Variants in CHL1 observed in about 807,000 individuals in gnomAD.
The protein encoded by CHL1 is neural cell adhesion molecule L1-like protein.
CHL1 carries 96 observed loss-of-function variants against 141.9 expected under a neutral mutation model. The ratio of observed to expected loss-of-function variants is 0.68; its 90% CI spans 0.57 to 0.80. CHL1 has a LOEUF of 0.80. Ranked by LOEUF, CHL1 falls within the 30% of genes least tolerant of loss-of-function variation. CHL1 has a pLI of 0.00. For missense variants in CHL1, 1,820 were observed against 1,457.2 expected (o/e 1.25, Z -4.05); for synonymous variants, 613 against 502.2 (o/e 1.22, Z -2.95).
At chr3:265,940 C>T (rs903467711) in intron 2 of CHL1, among the ~76,000 whole-genome samples, 11 of 152,146 alleles carry the variant, frequency 7.2e-5, no homozygotes, top group African/African-American at 2.4e-4. Flanking sequence ...CCATCCCATG[C>T]ACAGAGAAAG....
Position 382,283 on chromosome 3 carries a change from A to G in CHL1, c.1978+3A>G, listed in dbSNP as rs761723687. ...TGACCACAACAGCAATATTAGCGGT[A>G]GGAAGACTTGGGATAACTGTTTTCA... On this transcript the variant is annotated splice_donor_region_variant and intron_variant, in intron 17 of 27. Transcript: ENST00000256509. The G allele has an allele frequency of 6.2e-6, 10 of 1,612,056 alleles. No homozygotes were observed. Among genetic ancestry groups the G allele is most frequent in the Non-Finnish European group, 8.5e-6 (10 of 1,178,302 alleles).
intron 5 of CHL1, among the ~76,000 whole-genome samples, chr3:328,723 G>C (rs1002335290): frequency 6.6e-6 from 1 of 152,136 alleles, no homozygotes; most frequent in Non-Finnish European, 1.5e-5. Flanking sequence ...GCAATTTACT[G>C]TGGGCCTGGC....
intron 2 of CHL1, among the ~76,000 whole-genome samples, chr3:275,739 A>C (rs1418120219): frequency 2.0e-5 from 3 of 152,196 alleles, no homozygotes; most frequent in African/African-American, 7.2e-5. Flanking sequence ...ATAATGAGAA[A>C]TCTTTATTTG....
chr3:300,888 G>A (rs1698664876), intron 2 of CHL1, among the ~76,000 whole-genome samples: 1 of 152,176 alleles, frequency 6.6e-6, no homozygotes, highest in South Asian at 2.1e-4. Context: ...GGTGATGAAA[G>A]TAAAGGATTC....
In CHL1 at chr3:360,927, T is replaced by A. The variant is rs1438568432; in HGVS notation, c.1306+503T>A. On this transcript the variant is annotated intron_variant, in intron 12 of 27. Coordinates refer to ENST00000256509, the MANE Select transcript of CHL1 (RefSeq NM_006614.4). ...CCCTACAAAGGACATGAACTCATCA[T>A]TTTTTATGGCTGCATAGTATTCCAT... 3.3e-5 allele frequency among the ~76,000 whole-genome samples: 5 copies of A among 150,686 alleles called. No individual in the cohort carries two copies. The East Asian group carries it at 7.7e-4, about 23-fold the overall frequency.
chr3:360,547 A>C, intron 12 of CHL1, 123 bp downstream of exon 12: 2 of 977,912 alleles, frequency 2.0e-6, no homozygotes, highest in Non-Finnish European at 3.0e-6. Flanking sequence ...ACTACTTTTC[A>C]CCATACATTT....
chr3:301,458 G>C (rs75694717), intron 2 of CHL1, among the ~76,000 whole-genome samples: 131 of 152,304 alleles, frequency 8.6e-4, no homozygotes, highest in African/African-American at 3.1e-3. Context: ...ACAAGCAAAA[G>C]TGACTTGTTA....
At chr3:255,259 A>G (rs1574871887) in intron 2 of CHL1, among the ~76,000 whole-genome samples, 1 of 152,190 alleles carries the variant, frequency 6.6e-6, no homozygotes, top group Non-Finnish European at 1.5e-5. Flanking sequence ...GTAGTTAAAA[A>G]GTCTCTTTCT....
At chr3:214,607 C>A (rs1252197418) in intron 1 of CHL1, among the ~76,000 whole-genome samples, 1 of 152,046 alleles carries the variant, frequency 6.6e-6, no homozygotes, top group Non-Finnish European at 1.5e-5. Flanking sequence ...TTTTAAGAAA[C>A]TTCACTTTTT....
At position 391,132 on chromosome 3, in the gene CHL1, C is replaced by A; in HGVS notation, c.2764C>A (p.Pro922Thr). 1 of 1,612,890 alleles carries A rather than the reference C, an allele frequency of 6.2e-7. No homozygotes were observed. Among genetic ancestry groups the A allele is most frequent in the African/African-American group, 1.3e-5 (1 of 74,972 alleles). The change falls in exon 22 of 28, where the codon CCT (proline) becomes ACT (threonine). Residue 922 changes from proline to threonine, a missense_variant. Pro to Thr is a conservative substitution (Grantham distance 38). Coordinates refer to ENST00000256509, the MANE Select transcript of CHL1 (RefSeq NM_006614.4). The stretch of plus-strand genomic sequence containing the variant: ...TAAAGGAGCTGGTCCTGAAAGTGAG[C>A]CTTATATATTTCAAACACCAGAAGG... ...NSKGAGPESEPYIFQTPEGVP... is the reference protein window; with the variant it reads ...NSKGAGPESETYIFQTPEGVP...
At chr3:343,737 G>C (rs1702536404) in intron 8 of CHL1, among the ~76,000 whole-genome samples, 1 of 152,138 alleles carries the variant, frequency 6.6e-6, no homozygotes, top group Non-Finnish European at 1.5e-5. Context: ...GAGGATGTAA[G>C]CTCCTTTTGA....
intron 1 of CHL1, among the ~76,000 whole-genome samples, chr3:235,799 T>C (rs1386055869): frequency 6.6e-6 from 1 of 152,208 alleles, no homozygotes; most frequent in Non-Finnish European, 1.5e-5. Flanking sequence ...TTTTTGCTTA[T>C]TGCTTTCAAG....
rs190804623 is a variant in CHL1 at position 399,452 on chromosome 3, C to T, written c.3385+304C>T. ...GTCAGGAGATCGAGACCATCCTGGC[C>T]AACATGATGAAACCCCGTCTCTACT... On this transcript the variant is annotated intron_variant, in intron 26 of 27. Coordinates refer to ENST00000256509, the MANE Select transcript of CHL1 (RefSeq NM_006614.4). Among the ~76,000 whole-genome samples, 716 of 152,046 alleles carry T rather than the reference C, an allele frequency of 4.7e-3. 1 individual carries two copies. The highest frequency in any genetic ancestry group is 0.013 in the African/African-American group (520 of 41,474).
At chr3:310,640 C>G (rs554243506) in intron 2 of CHL1, among the ~76,000 whole-genome samples, 4 of 152,046 alleles carry the variant, frequency 2.6e-5, no homozygotes, top group Non-Finnish European at 5.9e-5. Flanking sequence ...GCAGAAATTT[C>G]TCTCATACTA....
chr3:222,733 A>G (rs1375237106), intron 1 of CHL1, among the ~76,000 whole-genome samples: 1 of 152,180 alleles, frequency 6.6e-6, no homozygotes, highest in Admixed American at 6.5e-5. Flanking sequence ...GAAGGGAAGG[A>G]AAAACAATTT....
intron 3 of CHL1, among the ~76,000 whole-genome samples, chr3:323,310 C>G (rs528517566): frequency 1.3e-5 from 2 of 151,888 alleles, no homozygotes; most frequent in East Asian, 3.9e-4. Flanking sequence ...GAGAGCTTCC[C>G]GATACTTAAT....
chr3:289,284 T>C (rs1351825837), intron 2 of CHL1, among the ~76,000 whole-genome samples: 1 of 152,218 alleles, frequency 6.6e-6, no homozygotes, highest in Non-Finnish European at 1.5e-5. Flanking sequence ...TGATATCATA[T>C]TTAATTTTGT....
intron 9 of CHL1, among the ~76,000 whole-genome samples, chr3:346,740 G>T (rs557133157): frequency 6.6e-6 from 1 of 152,078 alleles, no homozygotes; most frequent in East Asian, 1.9e-4. Context: ...GATCTGGGTC[G>T]TCTCTCAGAA....
intron 2 of CHL1, chr3:309,437 T>C (rs1475309933): frequency 6.7e-6 from 1 of 148,490 alleles, no homozygotes; most frequent in Non-Finnish European, 1.5e-5. Context: ...TTTCTTTCTC[T>C]TTCTTTCTTT....
Sources: gnomAD v4.1 joint callset for allele counts (sites outside exome capture counted in the v4.1 genomes callset) on GRCh38, gnomAD v4.1.1 for gene constraint, MANE v1.5 for transcripts, NCBI Gene and HGNC (gene_info 2026-07-23, HGNC 2026-07-21) for gene names.